Variants in YAE1 observed in about 807,000 individuals in gnomAD.
The protein encoded by YAE1 is YAE1 maturation factor of ABCE1.
YAE1 carries 22 observed loss-of-function variants against 23.0 expected under a neutral mutation model. The observed-to-expected ratio is 0.96, with a 90% CI of 0.68 to 1.37. YAE1 has a LOEUF of 1.37. YAE1 is among the 40% of genes most tolerant of loss of function. The pLI is 0.00. For missense variants in YAE1, 260 were observed against 262.1 expected (o/e 0.99, Z 0.06); for synonymous variants, 101 against 97.0 (o/e 1.04, Z -0.24).
At chr7:39,599,846 C>T (rs1043770208) in intron 2 of YAE1, among the ~76,000 whole-genome samples, 3 of 152,098 alleles carry the variant, frequency 2.0e-5, no homozygotes, top group Non-Finnish European at 4.4e-5. Context: ...ACCTCGGCCT[C>T]CCAAAGTGCT....
chr7:39,580,506 T>C (rs1484141809), intron 2 of YAE1, among the ~76,000 whole-genome samples: 1 of 151,710 alleles, frequency 6.6e-6, no homozygotes, highest in Non-Finnish European at 1.5e-5. Flanking sequence ...GGTGCTTTCA[T>C]GCATGTGTAT....
chr7:39,611,958 C>G (rs1425663136), downstream of YAE1, among the ~76,000 whole-genome samples: 1 of 152,180 alleles, frequency 6.6e-6, no homozygotes, highest in Non-Finnish European at 1.5e-5. Context: ...CTGGAATATT[C>G]ATATTCAAAG....
chr7:39,581,701 A>G (rs1790744629), intron 2 of YAE1, among the ~76,000 whole-genome samples: 1 of 151,792 alleles, frequency 6.6e-6, no homozygotes, highest in Admixed American at 6.6e-5. Context: ...GGGAGACCGC[A>G]TCTCTACAAA....
chr7:39,598,478 TA>T (rs1791009689), intron 2 of YAE1, among the ~76,000 whole-genome samples: 1 of 147,570 alleles, frequency 6.8e-6, no homozygotes, highest in South Asian at 2.1e-4. Context: ...TATTGGCAAG[TA>T]AAAAAGAAAG....
intron 2 of YAE1, chr7:39,609,516 T>C: frequency 7.0e-6 from 10 of 1,432,844 alleles, no homozygotes; most frequent in Non-Finnish European, 9.3e-6. Context: ...TATAAGTTTA[T>C]CAGAAAATGA....
exon 3 of YAE1, chr7:39,609,910 C>T: frequency 6.5e-7 from 1 of 1,530,486 alleles, no homozygotes; most frequent in Non-Finnish European, 8.7e-7. Context: ...CCCGCCTGGC[C>T]GCCAGAGGCA....
At chr7:39,599,096 G>A (rs757477442) in intron 2 of YAE1, among the ~76,000 whole-genome samples, 6 of 151,688 alleles carry the variant, frequency 4.0e-5, no homozygotes, top group Non-Finnish European at 8.8e-5. Flanking sequence ...AAAAACTGGC[G>A]AGGCGAGGTG....
chr7:39,582,662 G>C (rs1790762751), intron 2 of YAE1, among the ~76,000 whole-genome samples: 2 of 152,182 alleles, frequency 1.3e-5, no homozygotes, highest in African/African-American at 4.8e-5. Flanking sequence ...TGGAACAAAG[G>C]ATGGCCTTCA....
downstream of YAE1, among the ~76,000 whole-genome samples, chr7:39,573,954 T>C (rs1790614269): frequency 6.6e-6 from 1 of 152,262 alleles, no homozygotes; most frequent in African/African-American, 2.4e-5. Flanking sequence ...CTTGTTAATA[T>C]ATGTTTCCAT....
intron 2 of YAE1, among the ~76,000 whole-genome samples, chr7:39,583,227 TA>T (rs1790771434): frequency 6.6e-6 from 1 of 152,240 alleles, no homozygotes; most frequent in Admixed American, 6.5e-5. Flanking sequence ...GTGAAAGTCA[TA>T]AAATGTATAC....
At chr7:39,579,446 G>A (rs1381435435) in intron 2 of YAE1, among the ~76,000 whole-genome samples, 1 of 152,104 alleles carries the variant, frequency 6.6e-6, no homozygotes, top group East Asian at 1.9e-4. Context: ...AGGTGGACAG[G>A]TCACTTGAGG....
intron 2 of YAE1, among the ~76,000 whole-genome samples, chr7:39,591,718 A>C (rs1346401720): frequency 6.6e-6 from 1 of 151,352 alleles, no homozygotes; most frequent in African/African-American, 2.5e-5. Context: ...ATTAGCATTC[A>C]CTTGGTGTTG....
chr7:39,569,925 G>A lies in YAE1; in HGVS notation c.130-581G>A, dbSNP rs73375670. 13,412 of 1,285,210 alleles carry A rather than the reference G, an allele frequency of 0.01. 991 individuals carry two copies. In the African/African-American group the frequency reaches 0.17, roughly 16 times the overall value. The allele number at this position is 1,285,210 out of a possible 1,614,324, so 79.6% of individuals were successfully genotyped here. On this transcript the variant is annotated intron_variant, in intron 1 of 2. Coordinates refer to ENST00000223273, the MANE Select transcript of YAE1 (RefSeq NM_020192.5). ...AAGAACAGTTATTGTAAACTGTCCA[G>A]TCAGTCCTGGCTGCTCTGTGACATC...
Position 39,566,440 on chromosome 7 carries a change from T to C in YAE1, c.22T>C (p.Ser8Pro). 6.2e-7 allele frequency: 1 copy of C among 1,614,164 alleles called. No homozygotes were observed. Among genetic ancestry groups the C allele is most frequent in the Non-Finnish European group, 8.5e-7 (1 of 1,180,008 alleles). Residue 8 changes from serine to proline, a missense_variant, in exon 1 of 3, where the codon TCC (serine) becomes CCC (proline). Transcript: ENST00000223273. MSWVQAA[S>P]LIQGPGDKGD... is the part of the protein sequence containing the mutation. ...GGTGATGTCGTGGGTTCAAGCAGCC[T>C]CCTTGATCCAGGGCCCTGGAGACAA...
chr7:39,579,667 C>CA (rs70996816), intron 2 of YAE1, among the ~76,000 whole-genome samples: 48,753 of 140,162 alleles, frequency 0.35, 8,535 homozygotes, highest in Admixed American at 0.39. Flanking sequence ...GACTCTGTCT[C>CA]AAAAAAAAAA....
chr7:39,585,042 C>T (rs937665847), intron 2 of YAE1, among the ~76,000 whole-genome samples: 7 of 152,242 alleles, frequency 4.6e-5, no homozygotes, highest in East Asian at 3.9e-4. Context: ...AGATAAGGAG[C>T]GAGTCTCCAG....
At chr7:39,608,766 C>A (rs1021049966) in intron 2 of YAE1, among the ~76,000 whole-genome samples, 2 of 152,252 alleles carry the variant, frequency 1.3e-5, no homozygotes, top group Admixed American at 6.5e-5. Context: ...GATAAGGGAT[C>A]CACCAATGCT....
chr7:39,611,044 A>T (rs1474194214), downstream of YAE1, among the ~76,000 whole-genome samples: 1 of 152,028 alleles, frequency 6.6e-6, no homozygotes, highest in East Asian at 1.9e-4. Context: ...GCTTCTCGGG[A>T]GGCTGAGGCA....
chr7:39,606,286 A>G (rs1402700231), intron 2 of YAE1, among the ~76,000 whole-genome samples: 1 of 152,204 alleles, frequency 6.6e-6, no homozygotes, highest in Non-Finnish European at 1.5e-5. Flanking sequence ...ATTTTTAATA[A>G]CCATTTCAAA....
Sources: gnomAD v4.1 joint callset for allele counts (sites outside exome capture counted in the v4.1 genomes callset) on GRCh38, gnomAD v4.1.1 for gene constraint, MANE v1.5 for transcripts, NCBI Gene and HGNC (gene_info 2026-07-23, HGNC 2026-07-21) for gene names.